The following CALN1 variants were observed in gnomAD, a reference collection of about 807,000 sequenced individuals.
CALN1 encodes calcium-binding protein 8.
Under a neutral mutation model 30.6 loss-of-function variants are expected in CALN1, and 17 were observed. The ratio of observed to expected loss-of-function variants is 0.56; its 90% CI spans 0.38 to 0.83. The LOEUF is 0.83. Ranked by LOEUF, CALN1 falls within the 40% of genes least tolerant of loss-of-function variation. The pLI, the probability that CALN1 is intolerant of heterozygous loss-of-function variation, is 0.00. For missense variants in CALN1, 291 were observed against 354.9 expected (o/e 0.82, Z 1.45); for synonymous variants, 156 against 131.4 (o/e 1.19, Z -1.28).
At position 72,423,243 on chromosome 7, in the gene CALN1, C is replaced by T. The variant is rs1032456949; in HGVS notation, c.-225-10968G>A. Among the ~76,000 whole-genome samples the T allele has an allele frequency of 8.6e-5, 13 of 151,804 alleles. No homozygotes were observed. In the East Asian group the frequency reaches 2.5e-3, roughly 29 times the overall value. On this transcript the variant is annotated intron_variant, in intron 1 of 6. Coordinates refer to the CALN1 transcript ENST00000395276. ...ATTGTATTTTTCTTTTGTCTTTATT[C>T]CTTCTGATTTTTCTTTCAAGTTTTA... is the stretch of plus-strand genomic sequence containing the variant.
At chr7:71,929,347 A>T (rs1046422020) in intron 5 of CALN1, among the ~76,000 whole-genome samples, 14 of 152,110 alleles carry the variant, frequency 9.2e-5, no homozygotes, top group African/African-American at 3.4e-4. Context: ...TGTTCTCATC[A>T]TTCAGCTCCC....
intron 3 of CALN1, among the ~76,000 whole-genome samples, chr7:72,162,871 T>A (rs1227974940): frequency 6.6e-6 from 1 of 152,324 alleles, no homozygotes; most frequent in East Asian, 1.9e-4. Flanking sequence ...TGGATCAAGG[T>A]GTCAGATACA....
At chr7:71,971,953 A>AGAAAGAAAGAAAGAAAGAAAGAAAG (rs1266444348) in intron 5 of CALN1, among the ~76,000 whole-genome samples, 4 of 72,822 alleles carry the variant, frequency 5.5e-5, no homozygotes, top group African/African-American at 2.8e-4. Context: ...AAAAAAAAAA[A>AGAAAGAAAGAAAGAAAGAAAGAAAG]AAAGAAAGAA....
rs547900108 is a variant in CALN1, at chr7:71,922,679, TTATA to T, written c.501+100974_501+100977del. The stretch of plus-strand genomic sequence containing the variant: ...ATAAATATATAACATACAGAATATA[TTATA>T]TATAAATATATAACATACAGAATAT... On this transcript the variant is annotated intron_variant, in intron 5 of 6. Coordinates refer to ENST00000395275, the MANE Select transcript of CALN1 (RefSeq NM_031468.4). Among the ~76,000 whole-genome samples, 11 of 137,482 alleles carry T rather than the reference TTATA, an allele frequency of 8.0e-5. No homozygotes were observed. The East Asian group carries it at 2.2e-3, about 27-fold the overall frequency. 90.2% of individuals were successfully genotyped at this position (137,482 alleles called of 152,430 possible). A position where few individuals can be genotyped will look rare whatever the true frequency, so the allele number is the denominator to read the frequency against.
chr7:71,973,434 C>T (rs1363122995), intron 5 of CALN1, among the ~76,000 whole-genome samples: 2 of 152,172 alleles, frequency 1.3e-5, no homozygotes, highest in Middle Eastern at 6.3e-3. Flanking sequence ...TCTCGGCCTC[C>T]CAAAGTACTG....
the CALN1 span, among the ~76,000 whole-genome samples, chr7:72,459,801 C>T: frequency 4.6e-5 from 7 of 152,260 alleles, no homozygotes; most frequent in Non-Finnish European, 7.3e-5. Context: ...GGAATACAGG[C>T]GTGCAAGATA....
At chr7:72,490,662 C>T in the CALN1 span, among the ~76,000 whole-genome samples, 1 of 152,134 alleles carries the variant, frequency 6.6e-6, no homozygotes, top group African/African-American at 2.4e-5. Context: ...AGTGAGTTCT[C>T]ACGAGATCTG....
chr7:71,832,042 T>TGTCC (rs1240258709), intron 5 of CALN1, among the ~76,000 whole-genome samples: 1 of 152,168 alleles, frequency 6.6e-6, no homozygotes, highest in Non-Finnish European at 1.5e-5. Flanking sequence ...AGGCTCAGAA[T>TGTCC]GTCCATCTCT....
At chr7:72,290,658 C>CA (rs1454759878) in intron 2 of CALN1, among the ~76,000 whole-genome samples, 1 of 152,128 alleles carries the variant, frequency 6.6e-6, no homozygotes, top group Non-Finnish European at 1.5e-5. Flanking sequence ...TAGTGTTGTC[C>CA]ATATTCTTTA....
At chr7:72,347,855 G>A (rs1408999529) in intron 2 of CALN1, among the ~76,000 whole-genome samples, 16 of 152,142 alleles carry the variant, frequency 1.1e-4, no homozygotes, top group Non-Finnish European at 4.4e-5. Flanking sequence ...GCAGTAGGGC[G>A]AGGTGGCTCA....
chr7:72,004,821 C>T (rs972236612), intron 5 of CALN1, among the ~76,000 whole-genome samples: 4 of 152,018 alleles, frequency 2.6e-5, no homozygotes, highest in African/African-American at 9.7e-5. Context: ...AACACAAAAA[C>T]AACTAACCAA....
chr7:72,466,601 G>A, the CALN1 span, among the ~76,000 whole-genome samples: 11 of 151,992 alleles, frequency 7.2e-5, no homozygotes, highest in East Asian at 3.9e-4. Flanking sequence ...AAAAGTAGCC[G>A]GAGTGGTGGT....
upstream of CALN1, among the ~76,000 whole-genome samples, chr7:72,415,351 G>A (rs1486605705): frequency 6.6e-6 from 1 of 152,182 alleles, no homozygotes; most frequent in African/African-American, 2.4e-5. Context: ...ATGCCTACAG[G>A]GACCAGCAGT....
chr7:72,041,421 T>C (rs1802119839), intron 4 of CALN1, among the ~76,000 whole-genome samples: 1 of 152,096 alleles, frequency 6.6e-6, no homozygotes, highest in Non-Finnish European at 1.5e-5. Flanking sequence ...TCTGGCTCTG[T>C]TGCCCAGGCT....
At chr7:72,052,033 T>C (rs1230864526) in intron 4 of CALN1, among the ~76,000 whole-genome samples, 2 of 152,198 alleles carry the variant, frequency 1.3e-5, no homozygotes, top group Non-Finnish European at 2.9e-5. Context: ...GCCAATATTA[T>C]GACTTGAGAT....
intron 2 of CALN1, among the ~76,000 whole-genome samples, chr7:72,333,247 C>G (rs1801792422): frequency 6.6e-6 from 1 of 152,228 alleles, no homozygotes; most frequent in Non-Finnish European, 1.5e-5. Flanking sequence ...AAATGTTCAA[C>G]CCTAACACAT....
intron 1 of CALN1, among the ~76,000 whole-genome samples, chr7:72,436,346 C>T (rs1808159672): frequency 6.6e-6 from 1 of 152,190 alleles, no homozygotes; most frequent in Non-Finnish European, 1.5e-5. Context: ...AGTTGCCCTG[C>T]ACAAATTCTC....
chr7:71,939,572 C>CA (rs35583884), intron 5 of CALN1, among the ~76,000 whole-genome samples: 7,433 of 131,414 alleles, frequency 0.057, 265 homozygotes, highest in South Asian at 0.19. Context: ...GATGTTGTCT[C>CA]AAAAAAAAAA....
chr7:72,474,439 A>T, the CALN1 span, among the ~76,000 whole-genome samples: 5 of 152,214 alleles, frequency 3.3e-5, no homozygotes, highest in South Asian at 1.0e-3. Flanking sequence ...TAATCCCGGC[A>T]CTTTGGGAGG....
Sources: allele counts gnomAD v4.1 joint callset (sites outside exome capture counted in the v4.1 genomes callset), GRCh38; gene constraint gnomAD v4.1.1; transcripts MANE v1.5; gene names NCBI Gene and HGNC (gene_info 2026-07-23, HGNC 2026-07-21).